EIF2S2: variants seen among roughly 807,000 people sequenced by gnomAD.
The protein encoded by EIF2S2 is eukaryotic translation initiation factor 2 subunit 2.
EIF2S2 carries 4 observed loss-of-function variants against 44.0 expected under a neutral mutation model. That is an observed-to-expected ratio of 0.09 (90% CI 0.04 to 0.21). The LOEUF (loss-of-function observed/expected upper bound fraction) is 0.21, where lower values mean the gene tolerates loss of function less well. Ranked by LOEUF, EIF2S2 falls within the 10% of genes least tolerant of loss-of-function variation. The pLI, the probability that EIF2S2 is intolerant of heterozygous loss-of-function variation, is 1.00. For synonymous variants in EIF2S2, 108 were observed against 128.3 expected (o/e 0.84, Z 1.07); for missense variants, 154 against 392.0 (o/e 0.39, Z 5.13).
intron 1 of EIF2S2, among the ~76,000 whole-genome samples, chr20:34,106,200 G>A (rs2122432954): frequency 6.6e-6 from 1 of 152,176 alleles, no homozygotes; most frequent in Middle Eastern, 3.4e-3. Context: ...AATTACAGGT[G>A]TAAGCCACCG....
intron 1 of EIF2S2, among the ~76,000 whole-genome samples, chr20:34,111,116 C>T (rs2034407098): frequency 6.6e-6 from 1 of 152,170 alleles, no homozygotes. Flanking sequence ...TCTTCACAGC[C>T]CTCCATGAAC....
chr20:34,107,356 G>A (rs548388904), intron 1 of EIF2S2, among the ~76,000 whole-genome samples: 2 of 152,254 alleles, frequency 1.3e-5, no homozygotes, highest in East Asian at 3.9e-4. Flanking sequence ...GTGTTTAAAA[G>A]CACAAGTCTG....
chr20:34,105,641 A>T, intron 1 of EIF2S2, 96 bp from the exon 2 acceptor site: 3 of 1,170,638 alleles, frequency 2.6e-6, no homozygotes, highest in Non-Finnish European at 3.5e-6. Flanking sequence ...CATACTCTTA[A>T]AAGAGTATGT....
At chr20:34,103,710 CTTTTT>C in intron 2 of EIF2S2, 145 bp from the exon 3 acceptor site, 3 of 965,044 alleles carry the variant, frequency 3.1e-6, no homozygotes, top group Non-Finnish European at 4.0e-6. Context: ...ACTTATGGTT[CTTTTT>C]TTTTTTTTTG....
At chr20:34,103,441 T>G (rs572138352) in intron 3 of EIF2S2, 21 bp downstream of exon 3, 1 of 1,532,476 alleles carries the variant, frequency 6.5e-7, no homozygotes, top group South Asian at 1.2e-5. Context: ...AATTTTACCT[T>G]CAACAAGAAA....
At chr20:34,104,690 T>C (rs921192604) in intron 2 of EIF2S2, among the ~76,000 whole-genome samples, 2 of 152,258 alleles carry the variant, frequency 1.3e-5, no homozygotes, top group Admixed American at 6.5e-5. Flanking sequence ...TGCCATGTTA[T>C]AAACTAGAAA....
intron 7 of EIF2S2, among the ~76,000 whole-genome samples, chr20:34,093,132 T>C (rs2034187342): frequency 6.6e-6 from 1 of 152,218 alleles, no homozygotes; most frequent in Admixed American, 6.5e-5. Context: ...GGCTTCCAGA[T>C]AGTAGTCAAA....
At chr20:34,093,622 G>A (rs1231608177) in intron 7 of EIF2S2, 53 bp downstream of exon 7, 1 of 1,454,160 alleles carries the variant, frequency 6.9e-7, no homozygotes, top group African/African-American at 1.4e-5. Context: ...TTTCAAGAAA[G>A]GTTCTTATGA....
intron 3 of EIF2S2, among the ~76,000 whole-genome samples, chr20:34,101,579 C>A (rs1322674221): frequency 6.6e-6 from 1 of 152,098 alleles, no homozygotes; most frequent in Non-Finnish European, 1.5e-5. Flanking sequence ...TAGCCAACTT[C>A]TAGTGCTATA....
intron 1 of EIF2S2, among the ~76,000 whole-genome samples, chr20:34,111,610 G>A (rs1327052157): frequency 6.6e-6 from 1 of 152,132 alleles, no homozygotes; most frequent in African/African-American, 2.4e-5. Context: ...AACAATGCTA[G>A]GAAGGCAAAC....
intron 6 of EIF2S2, 23 bp from the exon 7 acceptor site, chr20:34,093,754 T>C (rs1410189283): frequency 6.3e-7 from 1 of 1,580,416 alleles, no homozygotes; most frequent in African/African-American, 1.4e-5. Flanking sequence ...TCAAAATATA[T>C]AAACCTTATC....
intron 8 of EIF2S2, among the ~76,000 whole-genome samples, chr20:34,090,158 G>A (rs113100391): frequency 6.6e-6 from 1 of 152,184 alleles, no homozygotes; most frequent in East Asian, 1.9e-4. Flanking sequence ...GCTTATTCTC[G>A]TTTCTGTCTA....
chr20:34,095,351 C>T (rs969502550), intron 6 of EIF2S2, among the ~76,000 whole-genome samples: 3 of 149,648 alleles, frequency 2.0e-5, no homozygotes, highest in African/African-American at 7.4e-5. Flanking sequence ...CACACTATTG[C>T]CCAGGCTGTA....
At chr20:34,090,625 C>T (rs1282398126) in intron 7 of EIF2S2, 23 bp from the exon 8 acceptor site, 4 of 1,383,610 alleles carry the variant, frequency 2.9e-6, no homozygotes, top group Non-Finnish European at 3.9e-6. Flanking sequence ...ACAAAAATAT[C>T]TCCATTATTA....
At chr20:34,097,377 G>A in intron 5 of EIF2S2, 39 bp downstream of exon 5, 1 of 1,527,822 alleles carries the variant, frequency 6.5e-7, no homozygotes, top group Non-Finnish European at 9.0e-7. Context: ...GAGCACTAGT[G>A]AATAGCTTAG....
chr20:34,100,947 G>C (rs2034288020), intron 3 of EIF2S2, among the ~76,000 whole-genome samples: 1 of 151,890 alleles, frequency 6.6e-6, no homozygotes, highest in African/African-American at 2.4e-5. Context: ...AGCTTATCCA[G>C]CTCCCTATCC....
chr20:34,095,195 T>C (rs1263313069), intron 6 of EIF2S2, among the ~76,000 whole-genome samples: 1 of 152,212 alleles, frequency 6.6e-6, no homozygotes, highest in East Asian at 1.9e-4. Flanking sequence ...AGTAAAACTT[T>C]CACAATATAT....
chr20:34,099,273 C>G (rs184224109), intron 3 of EIF2S2, among the ~76,000 whole-genome samples: 1 of 151,932 alleles, frequency 6.6e-6, no homozygotes. Flanking sequence ...AGAGGAATCG[C>G]TTGAACCCAG....
intron 3 of EIF2S2, among the ~76,000 whole-genome samples, chr20:34,102,084 G>A (rs1360541440): frequency 1.3e-5 from 2 of 152,162 alleles, no homozygotes; most frequent in Non-Finnish European, 2.9e-5. Context: ...TCCGTGCCTT[G>A]CCTGATGACC....
Sources: allele counts gnomAD v4.1 joint callset (sites outside exome capture counted in the v4.1 genomes callset), GRCh38; gene constraint gnomAD v4.1.1; transcripts MANE v1.5; gene names NCBI Gene and HGNC (gene_info 2026-07-23, HGNC 2026-07-21).